The following MYO7B variants were observed in gnomAD, a reference collection of about 807,000 sequenced individuals.
The protein encoded by MYO7B is unconventional myosin-VIIb.
In MYO7B, 212 loss-of-function variants were observed where a neutral mutation model predicts 259.7. The ratio of observed to expected loss-of-function variants is 0.82; its 90% CI spans 0.73 to 0.91. The LOEUF (loss-of-function observed/expected upper bound fraction) is 0.91, where lower values mean the gene tolerates loss of function less well. Ranked by LOEUF, MYO7B falls within the 40% of genes least tolerant of loss-of-function variation. The pLI is 0.00. For missense variants in MYO7B, 2,732 were observed against 2,813.5 expected (o/e 0.97, Z 0.66); for synonymous variants, 1,197 against 1,166.4 (o/e 1.03, Z -0.54).
intron 12 of MYO7B, among the ~76,000 whole-genome samples, chr2:127,582,666 C>G (rs542086252): frequency 6.6e-6 from 1 of 152,208 alleles, no homozygotes; most frequent in Non-Finnish European, 1.5e-5. Flanking sequence ...AAGGCCCCGG[C>G]ATTTGTCACC....
At chr2:127,547,408 T>C (rs1373742686) in intron 1 of MYO7B, among the ~76,000 whole-genome samples, 1 of 152,238 alleles carries the variant, frequency 6.6e-6, no homozygotes, top group African/African-American at 2.4e-5. Context: ...CACGTGCTTG[T>C]GTGTGTGCTC....
rs377581132 is a variant in MYO7B, at chr2:127,582,023, G to A, written c.1200+13G>A. 3 of 1,613,552 alleles carry A rather than the reference G, an allele frequency of 1.9e-6. No individual in the cohort carries two copies. The South Asian group carries it at 3.3e-5, about 18-fold the overall frequency. On this transcript the variant is annotated intron_variant, in intron 11 of 47. Coordinates refer to ENST00000409816, the MANE Select transcript of MYO7B (RefSeq NM_001393586.1). ...CGCCTTTGTCAAGGTACAGAGCTGA[G>A]AGAGCAGGGCTTACATGGCCATCTG...
chr2:127,578,335 G>C, intron 9 of MYO7B, 49 bp downstream of exon 9: 1 of 1,609,384 alleles, frequency 6.2e-7, no homozygotes, highest in Non-Finnish European at 8.5e-7. Flanking sequence ...GAGAGGGAAG[G>C]GGACAGGAGC....
In MYO7B at chr2:127,597,822, G is replaced by A. The variant is rs10188320; in HGVS notation, c.2339+1266G>A. On this transcript the variant is annotated intron_variant, in intron 19 of 47. Coordinates refer to ENST00000409816, the MANE Select transcript of MYO7B (RefSeq NM_001393586.1). This position sits in a 1 kb window ranked among gnomAD's most constrained non-coding sequence, Gnocchi z 4.8. ...CTGGCTAATTATTGTATTTTTTGTA[G>A]AGATGGGGTTTCGCCATGTTACCCA... Among the ~76,000 whole-genome samples the A allele has an allele frequency of 0.058, 8,860 of 151,952 alleles. 893 individuals are homozygous for A. Among genetic ancestry groups the A allele is most frequent in the African/African-American group, 0.2 (8,372 of 41,364 alleles).
Position 127,614,035 on chromosome 2 carries a change from T to C in MYO7B, c.3398+1432T>C, listed in dbSNP as rs1043914167. 2.6e-5 allele frequency among the ~76,000 whole-genome samples: 4 copies of C among 152,226 alleles called. No homozygotes were observed. The highest frequency in any genetic ancestry group is 9.6e-5 in the African/African-American group (4 of 41,458). On this transcript the variant is annotated intron_variant, in intron 26 of 47. Transcript: ENST00000409816. This position sits in a 1 kb window ranked among gnomAD's most constrained non-coding sequence, Gnocchi z 4.6. ...CAGGGCTTCTCAAGTTTTAGCTGCC[T>C]GCATGACACTAGCTGGGCAAGTCTT...
chr2:127,609,597 C>A lies in MYO7B; in HGVS notation c.2906C>A (p.Ala969Asp). 2 of 1,613,986 alleles carry A rather than the reference C, an allele frequency of 1.2e-6. No individual in the cohort carries two copies. The change falls in exon 23 of 48, where the codon GCC (alanine) becomes GAC (aspartate). Residue 969 changes from alanine (A) to aspartate (D), a missense_variant. Transcript: ENST00000409816. The surrounding 1 kb of genome is among the most constrained non-coding windows in gnomAD (Gnocchi z 6.9). ...EEPEEDVDGL[A>D]EYTFPKFAVT... ...CCTGAGGAGGATGTGGATGGCCTGG[C>A]CGAGTACACCTTCCCCAAGTTTGCT...
At chr2:127,602,258 G>A (rs935310829) in intron 19 of MYO7B, among the ~76,000 whole-genome samples, 6 of 152,148 alleles carry the variant, frequency 3.9e-5, no homozygotes, top group Non-Finnish European at 5.9e-5. Flanking sequence ...ACCACTTCCA[G>A]TGAAGTATAG....
At chr2:127,596,664 G>GC (rs1679782181) in intron 19 of MYO7B, 108 bp downstream of exon 19, 1 of 894,388 alleles carries the variant, frequency 1.1e-6, no homozygotes, top group Non-Finnish European at 1.8e-6. Context: ...GGCCCTCCCT[G>GC]GGGTTACTGA....
At position 127,609,551 on chromosome 2, in the gene MYO7B, A is replaced by G; in HGVS notation, c.2860A>G (p.Thr954Ala). ...TQKLLEVDLD[T>A]VPMAEEPEED... ...GAAGCTGCTTGAGGTTGACCTGGAC[A>G]CAGTCCCCATGGCGGAGGAGCCTGA... The change falls in exon 23 of 48, where the codon ACA becomes GCA. Residue 954 changes from threonine (T) to alanine (A), a missense_variant. This residue lies in a region of MYO7B where 1,906 missense variants were observed against 2,026.4 expected (regional missense o/e 0.94). Coordinates refer to ENST00000409816, the MANE Select transcript of MYO7B (RefSeq NM_001393586.1). The surrounding 1 kb of genome is among the most constrained non-coding windows in gnomAD (Gnocchi z 6.9). 6.2e-7 allele frequency: 1 copy of G among 1,613,930 alleles called. No homozygotes were observed. Among genetic ancestry groups the G allele is most frequent in the Non-Finnish European group, 8.5e-7 (1 of 1,179,840 alleles).
At chr2:127,548,710 G>C (rs115568391) in intron 1 of MYO7B, among the ~76,000 whole-genome samples, 1,975 of 152,082 alleles carry the variant, frequency 0.013, 45 homozygotes, top group African/African-American at 0.045. Context: ...TACCACGCCC[G>C]GCCTCTAGAT....
At position 127,539,252 on chromosome 2, in the gene MYO7B, GA is replaced by G. The variant is rs1406097385; in HGVS notation, c.-24+3422del. Reference sequence around the variant, plus strand: ...AAAAATAAAATAAGCTGGGACGTAGGATAAATGAAGGTAGGAAAATACACTG... The same window carrying G: ...AAAAATAAAATAAGCTGGGACGTAGGTAAATGAAGGTAGGAAAATACACTG... On this transcript the variant is annotated intron_variant, in intron 1 of 47. Coordinates refer to ENST00000409816, the MANE Select transcript of MYO7B (RefSeq NM_001393586.1). This position sits in a 1 kb window ranked among gnomAD's most constrained non-coding sequence, Gnocchi z 4.0. Among the ~76,000 whole-genome samples, 2 of 152,284 alleles carry G rather than the reference GA, an allele frequency of 1.3e-5. No individual in the cohort carries two copies. The highest frequency in any genetic ancestry group is 3.9e-4 in the East Asian group (2 of 5,190).
intron 18 of MYO7B, among the ~76,000 whole-genome samples, chr2:127,596,073 T>G (rs1214118484): frequency 2.6e-5 from 4 of 152,220 alleles, no homozygotes; most frequent in African/African-American, 9.6e-5. Context: ...AGTCTCCCAC[T>G]ATTATTGAGG....
At chr2:127,545,163 G>A (rs1439544423) in intron 1 of MYO7B, among the ~76,000 whole-genome samples, 1 of 152,252 alleles carries the variant, frequency 6.6e-6, no homozygotes, top group East Asian at 1.9e-4. Flanking sequence ...ATCAATGCCT[G>A]TACATCTACC....
Position 127,628,080 on chromosome 2 carries a change from T to C in MYO7B, c.4461-292T>C. On this transcript the variant is annotated intron_variant, in intron 33 of 47. Transcript: ENST00000409816. This position sits in a 1 kb window ranked among gnomAD's most constrained non-coding sequence, Gnocchi z 4.8. ...CAGAGCCGGCAGCTCATCTCAGCTC[T>C]GACCTTTGCAGTGTCCCTGCGGTGT... 1.7e-6 allele frequency: 1 copy of C among 597,382 alleles called. No homozygotes were observed. The highest frequency in any genetic ancestry group is 3.1e-6 in the Non-Finnish European group (1 of 317,812). 37.0% of individuals were successfully genotyped at this position (597,382 alleles called of 1,614,324 possible). A position where few individuals can be genotyped will look rare whatever the true frequency, so the allele number is the denominator to read the frequency against.
chr2:127,537,033 A>C (rs1558785446), intron 1 of MYO7B, among the ~76,000 whole-genome samples: 1 of 152,242 alleles, frequency 6.6e-6, no homozygotes, highest in Non-Finnish European at 1.5e-5. Context: ...AATTATAAAA[A>C]ATTTATCTTA....
chr2:127,622,245 C>A, intron 28 of MYO7B, 144 bp downstream of exon 28: 1 of 1,210,058 alleles, frequency 8.3e-7, no homozygotes, highest in Non-Finnish European at 1.1e-6. Context: ...CCTCCCATGC[C>A]AGTGGTCCCT....
intron 7 of MYO7B, 85 bp downstream of exon 7, chr2:127,574,147 T>TCCCCTCTTCC: frequency 6.5e-7 from 1 of 1,532,854 alleles, no homozygotes; most frequent in Non-Finnish European, 8.9e-7. Flanking sequence ...TCACCTCTCC[T>TCCCCTCTTCC]CCCCTCTTCC....
In MYO7B at chr2:127,590,134, T is replaced by G. The variant is rs200350189; in HGVS notation, c.1897T>G (p.Phe633Val). ...NKRPSTLGSQ[F>V]KQSLDQLMKI... is the part of the protein sequence containing the mutation. Reference sequence around the variant, plus strand: ...ACGGCCCTCCACCTTAGGAAGCCAGTTCAAACAGTCTCTGGACCAGCTGAT... The same window carrying G: ...ACGGCCCTCCACCTTAGGAAGCCAGGTCAAACAGTCTCTGGACCAGCTGAT... Residue 633 changes from phenylalanine (F) to valine (V), a missense_variant, in exon 16 of 48, where the codon TTC becomes GTC. Physicochemically the swap from Phe to Val is conservative, Grantham distance 50. Transcript: ENST00000409816. The surrounding 1 kb of genome is among the most constrained non-coding windows in gnomAD (Gnocchi z 4.6). 1.0e-5 allele frequency: 16 copies of G among 1,607,478 alleles called. No individual in the cohort carries two copies. The East Asian group carries it at 3.6e-4, about 36-fold the overall frequency.
At position 127,584,126 on chromosome 2, in the gene MYO7B, G is replaced by A. The variant is rs771899190; in HGVS notation, c.1348G>A (p.Glu450Lys). ...GFENFENNSF[E>K]QLCINFANEH... ...GCAGTGACCTTGCCTCCACAGCTTC[G>A]AGCAGCTCTGCATCAACTTCGCCAA... Residue 450 changes from glutamate (E) to lysine (K), a missense_variant, in exon 13 of 48, where the codon GAG becomes AAG. By Grantham distance (56) the Glu-to-Lys change is moderately conservative (BLOSUM62 1). Transcript: ENST00000409816. This position sits in a 1 kb window ranked among gnomAD's most constrained non-coding sequence, Gnocchi z 5.8. 6 of 1,612,262 alleles carry A rather than the reference G, an allele frequency of 3.7e-6. No homozygotes were observed. The highest frequency in any genetic ancestry group is 1.1e-5 in the South Asian group (1 of 90,724).
Sources: allele counts gnomAD v4.1 joint callset (sites outside exome capture counted in the v4.1 genomes callset), GRCh38; gene constraint gnomAD v4.1.1; regional missense constraint gnomAD v4.1.1; non-coding constraint Gnocchi (gnomAD v3.1); transcripts MANE v1.5; gene names NCBI Gene and HGNC (gene_info 2026-07-23, HGNC 2026-07-21).